Variants in POR observed in about 807,000 individuals in gnomAD.
POR encodes the protein cytochrome p450 oxidoreductase.
A neutral mutation model predicts 84.0 loss-of-function variants in POR; 56 were observed. That is an observed-to-expected ratio of 0.67 (90% confidence interval 0.54 to 0.83). POR has a LOEUF of 0.83. POR is among the 40% of genes least tolerant of loss of function. The pLI, the probability that POR is intolerant of heterozygous loss-of-function variation, is 0.00. For missense variants in POR, 938 were observed against 944.3 expected, an observed-to-expected ratio of 0.99 and a Z score of 0.09; for synonymous variants, 414 against 400.5, an observed-to-expected ratio of 1.03 and a Z score of -0.40.
chr7:75,929,152 T>G (rs1807291308), intron 1 of POR, among the ~76,000 whole-genome samples: 1 of 152,346 alleles, frequency 6.6e-6, no homozygotes, highest in South Asian at 2.1e-4. Flanking sequence ...ATTACTGACT[T>G]GTTCATGTTG....
chr7:75,949,312 T>C (rs375201372), intron 1 of POR, among the ~76,000 whole-genome samples: 5 of 151,676 alleles, frequency 3.3e-5, no homozygotes, highest in East Asian at 3.9e-4. Flanking sequence ...CGCGTCACCA[T>C]GCCTGGCTAA....
At chr7:75,932,919 G>A (rs782364620) in intron 1 of POR, among the ~76,000 whole-genome samples, 2 of 151,672 alleles carry the variant, frequency 1.3e-5, no homozygotes, top group Admixed American at 6.6e-5. Context: ...TCCAGAGGCC[G>A]AGGCAGGAAA....
chr7:75,985,514 A>G, intron 12 of POR, 65 bp from the exon 13 acceptor site: 1 of 1,450,132 alleles, frequency 6.9e-7, no homozygotes, highest in East Asian at 2.5e-5. Context: ...GCAGAACGGG[A>G]CTTGGGGCCG....
intron 1 of POR, among the ~76,000 whole-genome samples, chr7:75,920,713 G>A (rs551812542): frequency 6.6e-6 from 1 of 151,972 alleles, no homozygotes; most frequent in East Asian, 1.9e-4. Context: ...TGGGTAAGCC[G>A]GGCCTGTACA....
intron 2 of POR, chr7:75,968,322 T>C (rs1554555651): frequency 2.1e-6 from 1 of 466,658 alleles, no homozygotes; most frequent in Non-Finnish European, 4.4e-6. Context: ...GGCGAGGGAC[T>C]CAGCCAGGCC....
At chr7:75,985,254 C>T (rs1470798345) in intron 12 of POR, 47 bp downstream of exon 12, 1 of 1,529,346 alleles carries the variant, frequency 6.5e-7, no homozygotes, top group African/African-American at 1.4e-5. Context: ...AGGCCCAGCC[C>T]TGCTCACAGC....
Position 75,980,393 on chromosome 7 carries a change from G to A in POR, c.421G>A (p.Ala141Thr). The stretch of plus-strand genomic sequence containing the variant: ...CAACGCCCTGGTGGTTTTCTGCATG[G>A]CCACCTACGGTGAGGGAGACCCCAC... The change falls in exon 5 of 16, where the codon GCC becomes ACC. Residue 141 changes from alanine to threonine, a missense_variant. Ala to Thr is a moderately conservative substitution (Grantham distance 58). Transcript: ENST00000461988. The A allele has an allele frequency of 6.2e-7, 1 of 1,613,276 alleles. No homozygotes were observed. The highest frequency in any genetic ancestry group is 8.5e-7 in the Non-Finnish European group (1 of 1,179,864).
chr7:75,923,608 C>A (rs1300848725), intron 1 of POR, among the ~76,000 whole-genome samples: 1 of 152,100 alleles, frequency 6.6e-6, no homozygotes, highest in Non-Finnish European at 1.5e-5. Flanking sequence ...CAGTGGCTGG[C>A]CGGGCCCGGT....
intron 2 of POR, among the ~76,000 whole-genome samples, chr7:75,966,729 G>A (rs568924684): frequency 7.2e-5 from 11 of 152,230 alleles, no homozygotes; most frequent in African/African-American, 2.2e-4. Context: ...AAAATGAACC[G>A]CACATCTCGG....
chr7:75,979,579 G>T lies in POR; in HGVS notation c.366G>T (p.Leu122=). The change falls in exon 4 of 16, where the codon CTG becomes CTT. Residue 122 remains leucine, a splice_region_variant and synonymous_variant. Coordinates refer to ENST00000461988, the MANE Select transcript of POR (RefSeq NM_000941.3). ...CAGCGGACCCTGAGGAGTATGACCT[G>T]GTAAGCTGCCACCGCGTGCTGGCCC... 3.1e-6 allele frequency: 5 copies of T among 1,613,094 alleles called. No individual in the cohort carries two copies. Among genetic ancestry groups the T allele is most frequent in the Non-Finnish European group, 4.2e-6 (5 of 1,179,740 alleles).
Position 75,986,756 on chromosome 7 carries a change from C to G in POR, c.*275C>G. On this transcript the variant is annotated 3_prime_UTR_variant, in exon 16 of 16. Coordinates refer to ENST00000461988, the MANE Select transcript of POR (RefSeq NM_000941.3). ...CGGTGGCTGCACAGAAGGGCTCTTT[C>G]TCTCTGCTGAGCTGGGCCCAGCCCC... The G allele has an allele frequency of 3.4e-6, 2 of 588,428 alleles. No individual in the cohort carries two copies. The highest frequency in any genetic ancestry group is 2.8e-5 in the East Asian group (1 of 35,862). 36.5% of individuals were successfully genotyped at this position (588,428 alleles called of 1,614,324 possible).
intron 2 of POR, among the ~76,000 whole-genome samples, chr7:75,965,838 C>T (rs1378983066): frequency 1.6e-4 from 24 of 152,152 alleles, no homozygotes; most frequent in African/African-American, 5.8e-4. Flanking sequence ...AGCGGCAGCC[C>T]ACCAGAGCCT....
intron 2 of POR, among the ~76,000 whole-genome samples, 162 bp downstream of exon 2, chr7:75,954,342 C>G (rs950647460): frequency 6.6e-6 from 1 of 152,094 alleles, no homozygotes; most frequent in Non-Finnish European, 1.5e-5. Context: ...TGAGCTCTCC[C>G]TTAATCATCT....
intron 1 of POR, among the ~76,000 whole-genome samples, chr7:75,944,422 A>C (rs1787085352): frequency 6.6e-6 from 1 of 152,052 alleles, no homozygotes; most frequent in Admixed American, 6.6e-5. Flanking sequence ...AATCACAGCT[A>C]CTCTGGTGGC....
chr7:75,986,761 T>TGCTGA lies in POR; in HGVS notation c.*285_*289dup. The TGCTGA allele has an allele frequency of 1.7e-6, 1 of 586,556 alleles. No homozygotes were observed. The highest frequency in any genetic ancestry group is 3.0e-6 in the Non-Finnish European group (1 of 331,188). The allele number at this position is 586,556 out of a possible 1,614,324, so 36.3% of individuals were successfully genotyped here. On this transcript the variant is annotated 3_prime_UTR_variant, in exon 16 of 16. Coordinates refer to ENST00000461988, the MANE Select transcript of POR (RefSeq NM_000941.3). ...GCTGCACAGAAGGGCTCTTTCTCTC[T>TGCTGA]GCTGAGCTGGGCCCAGCCCCTCCAC...
At chr7:75,965,128 C>T (rs886197564) in intron 2 of POR, among the ~76,000 whole-genome samples, 11 of 152,162 alleles carry the variant, frequency 7.2e-5, no homozygotes, top group East Asian at 1.9e-4. Context: ...CCCCATGAAG[C>T]GCCATTTGGA....
rs117618628 is a variant in POR at position 75,964,958 on chromosome 7, A to T, written c.189-7455A>T. Among the ~76,000 whole-genome samples, 234 of 152,312 alleles carry T rather than the reference A, an allele frequency of 1.5e-3. 1 individual carries two copies. Among genetic ancestry groups the T allele is most frequent in the Admixed American group, 2.7e-3 (42 of 15,290 alleles). ...GGCTGAGGCAGGAGTTGGAGGCTGCAGTGAGCTGTGGTCACGCCACTGCAC... is the reference window on the plus strand; with the variant it reads ...GGCTGAGGCAGGAGTTGGAGGCTGCTGTGAGCTGTGGTCACGCCACTGCAC... On this transcript the variant is annotated intron_variant, in intron 2 of 15. Transcript: ENST00000461988.
chr7:75,980,259 G>A, intron 4 of POR, 80 bp from the exon 5 acceptor site: 1 of 1,525,290 alleles, frequency 6.6e-7, no homozygotes, highest in Non-Finnish European at 8.9e-7. Context: ...GGCAGGACCT[G>A]GCCTTCCCCA....
chr7:75,974,524 C>CTTTTTTTTTTTTTTTTTTTTTTTTTTTT (rs1238804117), intron 3 of POR, among the ~76,000 whole-genome samples: 1 of 107,914 alleles, frequency 9.3e-6, no homozygotes, highest in Non-Finnish European at 1.8e-5. Flanking sequence ...TTTTTCTTTT[C>CTTTTTTTTTTTTTTTTTTTTTTTTTTTT]TTTTTTTTTT....
Sources: gnomAD v4.1 joint callset for allele counts (sites outside exome capture counted in the v4.1 genomes callset) on GRCh38, gnomAD v4.1.1 for gene constraint, MANE v1.5 for transcripts, NCBI Gene and HGNC (gene_info 2026-07-23, HGNC 2026-07-21) for gene names.